CSMD1: variants seen among roughly 807,000 people sequenced by gnomAD.
CSMD1 encodes CUB and sushi domain-containing protein 1.
A neutral mutation model predicts 417.5 loss-of-function variants in CSMD1; 213 were observed. That is an observed-to-expected ratio of 0.51 (90% CI 0.46 to 0.57). CSMD1 has a LOEUF of 0.57. Ranked by LOEUF, CSMD1 falls within the 20% of genes least tolerant of loss-of-function variation. The probability of loss-of-function intolerance (pLI) is 0.00; values close to 1 mark genes in which losing one functional copy is unlikely to be tolerated. For missense variants in CSMD1, 6,923 were observed against 4,529.7 expected, an observed-to-expected ratio of 1.53 and a Z score of -15.17; for synonymous variants, 2,862 against 1,736.8, an observed-to-expected ratio of 1.65 and a Z score of -16.11.
intron 11 of CSMD1, among the ~76,000 whole-genome samples, chr8:3,479,041 G>A (rs904887984): frequency 2.6e-5 from 4 of 151,950 alleles, no homozygotes; most frequent in Non-Finnish European, 4.4e-5. Context: ...TCCAAGCCTG[G>A]GAAATCCTTC....
intron 3 of CSMD1, among the ~76,000 whole-genome samples, chr8:4,163,181 C>G (rs991209773): frequency 6.6e-6 from 1 of 152,182 alleles, no homozygotes. Flanking sequence ...CAAGAATAAA[C>G]CTTCTAAAAA....
At chr8:4,518,328 A>T (rs1296145604) in intron 2 of CSMD1, among the ~76,000 whole-genome samples, 4 of 152,150 alleles carry the variant, frequency 2.6e-5, no homozygotes, top group Non-Finnish European at 4.4e-5. Flanking sequence ...CATCTTCAGG[A>T]TAAAAGATTC....
At chr8:4,157,863 G>T (rs969441306) in intron 3 of CSMD1, among the ~76,000 whole-genome samples, 1 of 152,216 alleles carries the variant, frequency 6.6e-6, no homozygotes, top group Admixed American at 6.5e-5. Flanking sequence ...GCTGAAGTTG[G>T]GCTTGGTCCT....
chr8:3,746,678 T>C (rs1322789393), intron 6 of CSMD1, among the ~76,000 whole-genome samples: 1 of 152,206 alleles, frequency 6.6e-6, no homozygotes, highest in Non-Finnish European at 1.5e-5. Flanking sequence ...TAGTAAGAAA[T>C]TATCCCCAAT....
intron 3 of CSMD1, among the ~76,000 whole-genome samples, chr8:4,325,583 G>T (rs1216056755): frequency 6.6e-6 from 1 of 152,180 alleles, no homozygotes; most frequent in Non-Finnish European, 1.5e-5. Context: ...GGTGAGGTAA[G>T]AATTATTATA....
intron 3 of CSMD1, among the ~76,000 whole-genome samples, chr8:4,116,207 T>G (rs2130926061): frequency 6.6e-6 from 1 of 152,034 alleles, no homozygotes; most frequent in East Asian, 1.9e-4. Flanking sequence ...TTGGCCAGGC[T>G]GGTCCTGAAC....
In CSMD1 at chr8:2,949,501, G is replaced by C. The variant is rs144666650; in HGVS notation, c.10315-115C>G. 3.4e-4 allele frequency: 160 copies of C among 476,856 alleles called. 1 individual carries two copies. The highest frequency in any genetic ancestry group is 3.1e-3 in the African/African-American group (156 of 49,908). 29.5% of individuals were successfully genotyped at this position (476,856 alleles called of 1,614,324 possible). On this transcript the variant is annotated intron_variant, in intron 67 of 69. Transcript: ENST00000635120. Reference sequence around the variant, plus strand: ...TTATATCTCATATTTAGATACTACTGGTTAAATGTTTTATTTTTGCCATGG... The same window carrying C: ...TTATATCTCATATTTAGATACTACTCGTTAAATGTTTTATTTTTGCCATGG...
chr8:4,307,576 T>G (rs1563426956), intron 3 of CSMD1, among the ~76,000 whole-genome samples: 1 of 152,200 alleles, frequency 6.6e-6, no homozygotes, highest in Non-Finnish European at 1.5e-5. Flanking sequence ...TTATCTGTGT[T>G]TACAGAGTCC....
rs960538535 is a variant in CSMD1, at chr8:3,440,460, T to C, written c.1561+28252A>G. On this transcript the variant is annotated intron_variant, in intron 12 of 69. Transcript: ENST00000635120. ...GTGTTCACGTGTTCATATTATTATA[T>C]AGAAATACAGTAGATTTTGTTGTTG... Among the ~76,000 whole-genome samples, 8 of 152,206 alleles carry C rather than the reference T, an allele frequency of 5.3e-5. No individual in the cohort carries two copies. The South Asian group carries it at 6.2e-4, about 12-fold the overall frequency.
At chr8:3,120,076 T>C (rs532410105) in intron 41 of CSMD1, among the ~76,000 whole-genome samples, 4 of 152,274 alleles carry the variant, frequency 2.6e-5, no homozygotes, top group South Asian at 4.2e-4. Context: ...AAACAAATGC[T>C]GGAAAAGGAA....
intron 6 of CSMD1, among the ~76,000 whole-genome samples, chr8:3,726,054 G>A (rs996567622): frequency 2.0e-5 from 3 of 152,100 alleles, no homozygotes; most frequent in Non-Finnish European, 4.4e-5. Flanking sequence ...CAGCTCTCAG[G>A]AAATCAACAG....
chr8:4,146,705 G>C (rs148885811), intron 3 of CSMD1, among the ~76,000 whole-genome samples: 1 of 132,262 alleles, frequency 7.6e-6, no homozygotes, highest in Non-Finnish European at 1.5e-5. Flanking sequence ...TCCACCTCCC[G>C]AGTTCACGCC....
chr8:3,851,289 G>C (rs1470546523), intron 5 of CSMD1, among the ~76,000 whole-genome samples: 1 of 152,164 alleles, frequency 6.6e-6, no homozygotes, highest in African/African-American at 2.4e-5. Flanking sequence ...TTAGGGACTG[G>C]TCTTTTCATA....
At chr8:4,151,929 T>A (rs966628456) in intron 3 of CSMD1, among the ~76,000 whole-genome samples, 1 of 152,140 alleles carries the variant, frequency 6.6e-6, no homozygotes, top group Admixed American at 6.5e-5. Context: ...CAGAGATAAG[T>A]TTTGCCTGCA....
intron 2 of CSMD1, among the ~76,000 whole-genome samples, chr8:4,605,351 A>G (rs1404097031): frequency 1.3e-5 from 2 of 152,210 alleles, no homozygotes; most frequent in Non-Finnish European, 2.9e-5. Context: ...TGAATTATCT[A>G]TGAGCAAAGA....
At chr8:4,562,380 C>G (rs1354189291) in intron 2 of CSMD1, among the ~76,000 whole-genome samples, 1 of 152,118 alleles carries the variant, frequency 6.6e-6, no homozygotes, top group African/African-American at 2.4e-5. Flanking sequence ...AAGACTGAGG[C>G]ATGAACCTAG....
chr8:4,511,234 G>T (rs1024521004), intron 2 of CSMD1, among the ~76,000 whole-genome samples: 1 of 152,122 alleles, frequency 6.6e-6, no homozygotes, highest in African/African-American at 2.4e-5. Context: ...CCAAAAGAAA[G>T]TGTGAATTCT....
intron 2 of CSMD1, among the ~76,000 whole-genome samples, chr8:4,428,844 G>A (rs1019233881): frequency 1.3e-5 from 2 of 151,928 alleles, no homozygotes; most frequent in African/African-American, 4.8e-5. Flanking sequence ...TCAGCCTCCT[G>A]AGTATCTGGG....
chr8:3,168,624 G>C (rs746186031), intron 37 of CSMD1, among the ~76,000 whole-genome samples: 2 of 117,168 alleles, frequency 1.7e-5, no homozygotes, highest in Non-Finnish European at 3.4e-5. Flanking sequence ...GAGTCAGTAA[G>C]TCTTCATCAC....
Sources: allele counts gnomAD v4.1 joint callset (sites outside exome capture counted in the v4.1 genomes callset), GRCh38; gene constraint gnomAD v4.1.1; transcripts MANE v1.5; gene names NCBI Gene and HGNC (gene_info 2026-07-23, HGNC 2026-07-21).